The following DPY19L4 variants were observed in gnomAD, a reference collection of about 807,000 sequenced individuals.
DPY19L4 encodes probable C-mannosyltransferase DPY19L4.
In DPY19L4, 97 loss-of-function variants were observed where a neutral mutation model predicts 102.8. That is an observed-to-expected ratio of 0.94 (90% confidence interval 0.80 to 1.12). The LOEUF (loss-of-function observed/expected upper bound fraction) is 1.12. Among genes scored for constraint, DPY19L4 ranks in the 50% most tolerant of loss-of-function variants. The pLI is 0.00. For missense variants in DPY19L4, 815 were observed against 850.4 expected (o/e 0.96, Z 0.52); for synonymous variants, 252 against 283.1 (o/e 0.89, Z 1.10).
rs185613874 is a variant in DPY19L4 at position 94,786,376 on chromosome 8, C to A, written c.1849-1518C>A. On this transcript the variant is annotated intron_variant, in intron 17 of 18. Coordinates refer to ENST00000414645, the MANE Select transcript of DPY19L4 (RefSeq NM_181787.3). ...CTGAGCTCAGGCAATCCGCCTACCCCTGCCTCCCAAAGTGCTAGGATTACA... is the reference window on the plus strand; with the variant it reads ...CTGAGCTCAGGCAATCCGCCTACCCATGCCTCCCAAAGTGCTAGGATTACA... Among the ~76,000 whole-genome samples, 674 of 152,220 alleles carry A rather than the reference C, an allele frequency of 4.4e-3. 8 individuals carry two copies. Among genetic ancestry groups the A allele is most frequent in the African/African-American group, 0.015 (623 of 41,522 alleles).
At chr8:94,773,213 CAAA>C (rs1319486647) in intron 13 of DPY19L4, among the ~76,000 whole-genome samples, 2 of 67,544 alleles carry the variant, frequency 3.0e-5, no homozygotes, top group Non-Finnish European at 3.4e-5. Flanking sequence ...GACTCCGTAT[CAAA>C]AAAAAAAAAA....
At chr8:94,757,195 G>A (rs1047180434) in intron 7 of DPY19L4, among the ~76,000 whole-genome samples, 7 of 152,266 alleles carry the variant, frequency 4.6e-5, no homozygotes, top group African/African-American at 1.7e-4. Context: ...CCAGGAAACA[G>A]GATGCACTTA....
intron 13 of DPY19L4, among the ~76,000 whole-genome samples, chr8:94,773,619 G>C (rs979364279): frequency 6.6e-6 from 1 of 151,776 alleles, no homozygotes; most frequent in African/African-American, 2.4e-5. Context: ...GAGTAGAGAT[G>C]GGGTTTCTTC....
At chr8:94,764,852 C>A (rs7815919) in intron 8 of DPY19L4, among the ~76,000 whole-genome samples, 2 of 148,388 alleles carry the variant, frequency 1.3e-5, no homozygotes, top group African/African-American at 5.0e-5. Flanking sequence ...CCTCAGCCTC[C>A]CGAGTGGCTG....
chr8:94,749,017 C>T (rs1203692524), intron 6 of DPY19L4, among the ~76,000 whole-genome samples: 5 of 152,164 alleles, frequency 3.3e-5, no homozygotes, highest in African/African-American at 1.2e-4. Context: ...GTGAAAGGCA[C>T]GTCTCACATG....
chr8:94,739,374 C>T, intron 4 of DPY19L4, 39 bp from the exon 5 acceptor site: 2 of 1,513,062 alleles, frequency 1.3e-6, no homozygotes, highest in Non-Finnish European at 8.8e-7. Context: ...TACTGTGAAG[C>T]AGAATAAATA....
intron 6 of DPY19L4, among the ~76,000 whole-genome samples, chr8:94,752,093 T>G (rs576206325): frequency 2.6e-5 from 4 of 152,198 alleles, no homozygotes; most frequent in African/African-American, 9.6e-5. Flanking sequence ...ATGGCTGGTG[T>G]ATATTTAACT....
chr8:94,770,390 G>A, intron 12 of DPY19L4, 62 bp from the exon 13 acceptor site: 2 of 1,482,360 alleles, frequency 1.3e-6, no homozygotes, highest in Non-Finnish European at 1.8e-6. Context: ...GATAAACAAT[G>A]TATCTTTGGT....
chr8:94,775,799 G>GA (rs1367831408), intron 13 of DPY19L4, among the ~76,000 whole-genome samples: 2 of 152,078 alleles, frequency 1.3e-5, no homozygotes, highest in Non-Finnish European at 2.9e-5. Flanking sequence ...GTTATCCCTT[G>GA]AAATGTTATT....
intron 11 of DPY19L4, among the ~76,000 whole-genome samples, chr8:94,766,924 G>A (rs1461860429): frequency 6.6e-6 from 1 of 151,908 alleles, no homozygotes; most frequent in Non-Finnish European, 1.5e-5. Context: ...AAAAAAATTA[G>A]CTGGGTGTGG....
At chr8:94,746,033 C>T (rs1016937553) in intron 6 of DPY19L4, among the ~76,000 whole-genome samples, 4 of 145,252 alleles carry the variant, frequency 2.8e-5, no homozygotes, top group South Asian at 2.2e-4. Context: ...GGATTACAGG[C>T]GTGAGCCACC....
chr8:94,777,532 G>T, intron 13 of DPY19L4, 134 bp from the exon 14 acceptor site: 2 of 1,080,366 alleles, frequency 1.9e-6, no homozygotes, highest in Non-Finnish European at 2.6e-6. Flanking sequence ...CTGAAAATTA[G>T]AGTCTAAGCT....
Position 94,789,658 on chromosome 8 carries a change from C to T in DPY19L4, c.2008-88C>T, listed in dbSNP as rs936397623. 4.2e-6 allele frequency: 5 copies of T among 1,177,048 alleles called. No individual in the cohort carries two copies. The Admixed American group carries it at 7.9e-5, about 18-fold the overall frequency. The allele number at this position is 1,177,048 out of a possible 1,614,324, so 72.9% of individuals were successfully genotyped here. Reference sequence around the variant, plus strand: ...AATGTTTAGCAATAATGTGTTTTTTCATATAAATATACTCATTTGTATATT... The same window carrying T: ...AATGTTTAGCAATAATGTGTTTTTTTATATAAATATACTCATTTGTATATT... On this transcript the variant is annotated intron_variant, in intron 18 of 18. Transcript: ENST00000414645.
At chr8:94,770,978 A>G (rs890784882) in intron 13 of DPY19L4, among the ~76,000 whole-genome samples, 4 of 151,062 alleles carry the variant, frequency 2.6e-5, no homozygotes, top group African/African-American at 9.8e-5. Context: ...GCAGTGGTGC[A>G]ATCTCAGCTC....
chr8:94,723,572 C>A (rs573651060), intron 1 of DPY19L4, among the ~76,000 whole-genome samples: 1 of 151,754 alleles, frequency 6.6e-6, no homozygotes, highest in South Asian at 2.1e-4. Context: ...TTGGCCTTTG[C>A]TTTTTTTCCA....
intron 3 of DPY19L4, among the ~76,000 whole-genome samples, chr8:94,736,856 T>G (rs1010809462): frequency 1.3e-5 from 2 of 152,206 alleles, no homozygotes; most frequent in Non-Finnish European, 2.9e-5. Context: ...TGTCTTTTTA[T>G]TATGGACTTC....
At chr8:94,737,516 C>T (rs1339128574) in intron 3 of DPY19L4, among the ~76,000 whole-genome samples, 3 of 151,984 alleles carry the variant, frequency 2.0e-5, no homozygotes, top group East Asian at 3.9e-4. Flanking sequence ...CAGGCGGTGA[C>T]TCAACGCCTG....
At chr8:94,724,036 C>T (rs1810584816) in intron 1 of DPY19L4, among the ~76,000 whole-genome samples, 1 of 151,990 alleles carries the variant, frequency 6.6e-6, no homozygotes, top group South Asian at 2.1e-4. Flanking sequence ...TAATTAAAGT[C>T]CTGTAAAGCG....
chr8:94,736,481 C>T (rs759756520), intron 3 of DPY19L4, among the ~76,000 whole-genome samples: 1 of 152,122 alleles, frequency 6.6e-6, no homozygotes, highest in African/African-American at 2.4e-5. Context: ...TGGTAACATC[C>T]GTTAACATTT....
Sources: allele counts gnomAD v4.1 joint callset (sites outside exome capture counted in the v4.1 genomes callset), GRCh38; gene constraint gnomAD v4.1.1; transcripts MANE v1.5; gene names NCBI Gene and HGNC (gene_info 2026-07-23, HGNC 2026-07-21).